The following CMSS1 variants were observed in gnomAD, a reference collection of about 807,000 sequenced individuals.
CMSS1 encodes the protein cms1 ribosomal small subunit homolog.
A neutral mutation model predicts 43.5 loss-of-function variants in CMSS1; 33 were observed. That is an observed-to-expected ratio of 0.76 (90% CI 0.57 to 1.01). The LOEUF (loss-of-function observed/expected upper bound fraction) is 1.01. Ranked by LOEUF, CMSS1 falls within the 50% of genes least tolerant of loss-of-function variation. The pLI, the probability that CMSS1 is intolerant of heterozygous loss-of-function variation, is 0.00. For missense variants in CMSS1, 313 were observed against 326.4 expected (o/e 0.96, Z 0.32); for synonymous variants, 115 against 117.2 (o/e 0.98, Z 0.12).
At chr3:100,112,889 C>T (rs1339342461) in intron 1 of CMSS1, among the ~76,000 whole-genome samples, 2 of 152,114 alleles carry the variant, frequency 1.3e-5, no homozygotes, top group Non-Finnish European at 2.9e-5. Flanking sequence ...GAAATGTTTA[C>T]TTGGAATATT....
chr3:99,994,558 G>T (rs1215832998), intron 1 of CMSS1, among the ~76,000 whole-genome samples: 1 of 152,116 alleles, frequency 6.6e-6, no homozygotes, highest in African/African-American at 2.4e-5. Flanking sequence ...ATGGAAAAAG[G>T]CTAGAAATCA....
chr3:100,002,787 G>T (rs532230076), intron 1 of CMSS1, among the ~76,000 whole-genome samples: 1 of 152,178 alleles, frequency 6.6e-6, no homozygotes, highest in South Asian at 2.1e-4. Context: ...CAGGTGGCTT[G>T]ATCTCTAGTT....
intron 2 of CMSS1, among the ~76,000 whole-genome samples, chr3:100,150,654 CA>C (rs2066899545): frequency 1.3e-5 from 2 of 152,182 alleles, no homozygotes; most frequent in African/African-American, 4.8e-5. Context: ...TCATCTCTAG[CA>C]ACCATTTCAC....
At chr3:99,993,066 G>A (rs1235131075) in intron 1 of CMSS1, among the ~76,000 whole-genome samples, 3 of 151,784 alleles carry the variant, frequency 2.0e-5, no homozygotes, top group Non-Finnish European at 4.4e-5. Flanking sequence ...GGTTGCTATA[G>A]TCTTGTATAA....
intron 1 of CMSS1, among the ~76,000 whole-genome samples, chr3:99,926,142 T>G (rs1325685582): frequency 6.6e-6 from 1 of 152,204 alleles, no homozygotes; most frequent in Admixed American, 6.5e-5. Flanking sequence ...CTAAAAAGCA[T>G]GTACTTGACT....
intron 1 of CMSS1, among the ~76,000 whole-genome samples, chr3:100,092,409 T>A (rs1463476444): frequency 6.6e-6 from 1 of 152,078 alleles, no homozygotes; most frequent in African/African-American, 2.4e-5. Flanking sequence ...AGATTTGTTT[T>A]GAGTGAGAAG....
chr3:100,031,856 T>C (rs1020666479), intron 1 of CMSS1, among the ~76,000 whole-genome samples: 1 of 152,324 alleles, frequency 6.6e-6, no homozygotes, highest in East Asian at 1.9e-4. Flanking sequence ...CCATATGGTC[T>C]GTGTAGTAAC....
intron 1 of CMSS1, among the ~76,000 whole-genome samples, chr3:99,829,313 G>T (rs1942600551): frequency 6.6e-6 from 1 of 152,054 alleles, no homozygotes; most frequent in African/African-American, 2.4e-5. Context: ...AAAATGTCCT[G>T]TATTACTCTG....
At position 99,867,559 on chromosome 3, in the gene CMSS1, A is replaced by G. The variant is rs528829951; in HGVS notation, c.64+49516A>G. 7.4e-4 allele frequency among the ~76,000 whole-genome samples: 112 copies of G among 152,332 alleles called. 1 individual carries two copies. The highest frequency in any genetic ancestry group is 1.0e-3 in the Non-Finnish European group (70 of 68,026). ...ATATCTGATGGACAGGAAATGTTGGACCAAAATCTGCTAGTGACTTAACTA... is the reference window on the plus strand; with the variant it reads ...ATATCTGATGGACAGGAAATGTTGGGCCAAAATCTGCTAGTGACTTAACTA... On this transcript the variant is annotated intron_variant, in intron 1 of 9. Coordinates refer to ENST00000421999, the MANE Select transcript of CMSS1 (RefSeq NM_032359.4).
chr3:99,822,299 A>G (rs1942453499), intron 1 of CMSS1, among the ~76,000 whole-genome samples: 2 of 152,302 alleles, frequency 1.3e-5, no homozygotes, highest in Middle Eastern at 3.4e-3. Flanking sequence ...TTGAGCCTCC[A>G]TGTCTTTTAA....
intron 1 of CMSS1, among the ~76,000 whole-genome samples, chr3:100,085,141 G>C (rs1255480345): frequency 1.3e-5 from 2 of 151,980 alleles, no homozygotes; most frequent in Non-Finnish European, 2.9e-5. Context: ...AAACAGTCCT[G>C]ATCAGTTGAA....
chr3:99,957,117 C>T (rs1708342179), intron 1 of CMSS1, among the ~76,000 whole-genome samples: 1 of 152,088 alleles, frequency 6.6e-6, no homozygotes, highest in Admixed American at 6.6e-5. Flanking sequence ...TATGTTTGTA[C>T]ATTTATTTTT....
chr3:99,891,641 A>G (rs1327402690), intron 1 of CMSS1, among the ~76,000 whole-genome samples: 7 of 152,290 alleles, frequency 4.6e-5, no homozygotes, highest in South Asian at 2.1e-4. Context: ...ACCATCAGCA[A>G]TGGACATTAG....
At chr3:100,015,080 G>A (rs544642692) in intron 1 of CMSS1, among the ~76,000 whole-genome samples, 53 of 151,116 alleles carry the variant, frequency 3.5e-4, no homozygotes, top group African/African-American at 1.3e-3. Flanking sequence ...TATTGTACGA[G>A]ATAAGGGTCT....
chr3:99,971,238 G>A (rs1708810586), intron 1 of CMSS1, among the ~76,000 whole-genome samples: 2 of 152,114 alleles, frequency 1.3e-5, no homozygotes, highest in Middle Eastern at 3.4e-3. Flanking sequence ...TACTCGGGAG[G>A]CTGAGGCAGG....
chr3:99,959,523 G>C (rs1026404581), intron 1 of CMSS1, among the ~76,000 whole-genome samples: 3 of 152,146 alleles, frequency 2.0e-5, no homozygotes, highest in African/African-American at 7.2e-5. Context: ...CATTTAATTT[G>C]TGTGTAGCTC....
At chr3:100,095,036 C>CCAGG (rs1157268689) in intron 1 of CMSS1, among the ~76,000 whole-genome samples, 1 of 152,112 alleles carries the variant, frequency 6.6e-6, no homozygotes, top group Non-Finnish European at 1.5e-5. Flanking sequence ...TTGTGAAAAA[C>CCAGG]CAGGCAGGCA....
At chr3:100,162,226 C>A in intron 3 of CMSS1, 77 bp from the exon 4 acceptor site, 1 of 1,290,480 alleles carries the variant, frequency 7.7e-7, no homozygotes, top group Non-Finnish European at 1.1e-6. Context: ...CGTTTAAATG[C>A]CAGAGGAACT....
chr3:99,885,813 T>G (rs1705876493), intron 1 of CMSS1, among the ~76,000 whole-genome samples: 1 of 152,192 alleles, frequency 6.6e-6, no homozygotes, highest in Non-Finnish European at 1.5e-5. Flanking sequence ...AAGGCTTTTG[T>G]GTACATTTAC....
Sources: gnomAD v4.1 joint callset for allele counts (sites outside exome capture counted in the v4.1 genomes callset) on GRCh38, gnomAD v4.1.1 for gene constraint, MANE v1.5 for transcripts, NCBI Gene and HGNC (gene_info 2026-07-23, HGNC 2026-07-21) for gene names.